ATG4A: variants seen among roughly 807,000 people sequenced by gnomAD.
ATG4A encodes the protein cysteine protease ATG4A.
Under a neutral mutation model 38.4 loss-of-function variants are expected in ATG4A, and 22 were observed. That is an observed-to-expected ratio of 0.57 (90% confidence interval 0.41 to 0.82). The LOEUF is 0.82. Among genes scored for constraint, ATG4A ranks in the 40% least tolerant of loss-of-function variants. ATG4A has a pLI of 0.00. For synonymous variants in ATG4A, 86 were observed against 100.7 expected, an observed-to-expected ratio of 0.85 and a Z score of 0.88; for missense variants, 220 against 290.0, an observed-to-expected ratio of 0.76 and a Z score of 1.75.
intron 9 of ATG4A, among the ~76,000 whole-genome samples, chrX:108,148,277 C>T (rs2033486763): frequency 9.4e-6 from 1 of 106,208 alleles, no homozygotes; most frequent in Admixed American, 1.0e-4. Context: ...TTTCTGCTTG[C>T]CACCCTGGCA....
chrX:108,121,670 T>C (rs1305872673), intron 1 of ATG4A, among the ~76,000 whole-genome samples: 1 of 111,592 alleles, frequency 9.0e-6, no homozygotes, highest in African/African-American at 3.3e-5. Context: ...CCAGTTGGAA[T>C]TAATTACTGT....
intron 5 of ATG4A, 28 bp from the exon 6 acceptor site, chrX:108,134,311 A>G (rs751237723): frequency 9.2e-6 from 11 of 1,192,955 alleles, no homozygotes; most frequent in South Asian, 3.7e-5. Flanking sequence ...TTTTGCTAAC[A>G]TGTTATTTTT....
At chrX:108,098,602 C>T (rs2031907717) in intron 1 of ATG4A, among the ~76,000 whole-genome samples, 1 of 111,284 alleles carries the variant, frequency 9.0e-6, no homozygotes, top group Admixed American at 9.6e-5. Context: ...TTCCATCTCT[C>T]CTGTGCTACC....
At chrX:108,121,076 C>G (rs1044435527) in intron 1 of ATG4A, among the ~76,000 whole-genome samples, 2 of 111,571 alleles carry the variant, frequency 1.8e-5, no homozygotes, top group Non-Finnish European at 3.8e-5. Context: ...GAATTTTTGC[C>G]CAATCTTCTG....
intron 1 of ATG4A, among the ~76,000 whole-genome samples, chrX:108,106,125 C>T (rs2032163967): frequency 1.8e-5 from 2 of 111,294 alleles, no homozygotes; most frequent in South Asian, 3.7e-4. Context: ...TTTTCATTTT[C>T]ATTCAGTTCA....
upstream of ATG4A, chrX:108,091,705 G>A: frequency 3.0e-6 from 3 of 1,006,029 alleles, no homozygotes; most frequent in Non-Finnish European, 4.2e-6. Context: ...GCAGGGAGGC[G>A]CCTTTGCTGC....
intron 9 of ATG4A, among the ~76,000 whole-genome samples, chrX:108,148,467 C>CAAAAAA (rs59447671): frequency 1.3e-5 from 1 of 78,857 alleles, no homozygotes; most frequent in African/African-American, 4.8e-5. Flanking sequence ...GACCCTGTCT[C>CAAAAAA]AAAAAAAAAA....
At chrX:108,143,770 G>T (rs1383890430) in intron 9 of ATG4A, 1 of 207,241 alleles carries the variant, frequency 4.8e-6, no homozygotes, top group African/African-American at 3.1e-5. Flanking sequence ...GGATCACTGG[G>T]GCTGATGGTG....
intron 2 of ATG4A, among the ~76,000 whole-genome samples, chrX:108,127,792 A>C (rs949134188): frequency 8.9e-6 from 1 of 112,372 alleles, no homozygotes; most frequent in Non-Finnish European, 1.9e-5. Context: ...AGAATATAAT[A>C]CAGACATGTT....
rs758800620 is a variant in ATG4A at position 108,126,165 on chromosome X, G to A, written c.99G>A (p.Gly33=). The A allele has an allele frequency of 8.1e-5, 98 of 1,203,761 alleles. No homozygotes were observed. The East Asian group carries it at 2.9e-3, about 35-fold the overall frequency. Residue 33 remains glycine, a synonymous_variant, in exon 2 of 13, where the codon GGG becomes GGA. Coordinates refer to ENST00000372232, the MANE Select transcript of ATG4A (RefSeq NM_052936.5). ...CAGATGAGCTGGTATGGATCTTAGG[G>A]AAGCAGCATCTCCTTAAAACAGGTA... ...PDTDELVWIL[G]KQHLLKTEKS...
At chrX:108,112,276 C>T (rs2032375588) in intron 1 of ATG4A, among the ~76,000 whole-genome samples, 1 of 112,123 alleles carries the variant, frequency 8.9e-6, no homozygotes, top group Non-Finnish European at 1.9e-5. Flanking sequence ...CCCACAAGGA[C>T]ATTTTTAATA....
At chrX:108,126,055 T>C (rs1367966947) in intron 1 of ATG4A, 22 bp from the exon 2 acceptor site, 1 of 1,079,881 alleles carries the variant, frequency 9.3e-7, no homozygotes, top group Non-Finnish European at 1.3e-6. Context: ...AAATTTTACT[T>C]GTTTCTTTCC....
At chrX:108,120,467 C>T (rs2147988572) in intron 1 of ATG4A, among the ~76,000 whole-genome samples, 1 of 112,018 alleles carries the variant, frequency 8.9e-6, no homozygotes, top group Admixed American at 9.5e-5. Flanking sequence ...ATGCATTTCA[C>T]TCAGCAGACA....
intron 1 of ATG4A, among the ~76,000 whole-genome samples, chrX:108,122,658 C>T (rs1442652869): frequency 9.0e-6 from 1 of 111,566 alleles, no homozygotes; most frequent in African/African-American, 3.3e-5. Context: ...CAGAAGACCC[C>T]CCACTTGTAA....
rs997535346 is a variant in ATG4A at position 108,091,862 on chromosome X, C to T, written c.10+26C>T. ...GTACGGGGAGCGGCTTTGAGTGGAA[C>T]CGTGTGAAAGAGCCGGGGTGGGTAG... On this transcript the variant is annotated intron_variant, in intron 1 of 12. Transcript: ENST00000372232. 2.5e-6 allele frequency: 3 copies of T among 1,210,984 alleles called. No individual in the cohort carries two copies. In the South Asian group the frequency reaches 5.3e-5, roughly 21 times the overall value.
At chrX:108,145,166 A>G in intron 9 of ATG4A, among the ~76,000 whole-genome samples, 1 of 112,315 alleles carries the variant, frequency 8.9e-6, no homozygotes, top group Non-Finnish European at 1.9e-5. Context: ...TGGCATGCAA[A>G]TGTCTTACCA....
At chrX:108,136,322 G>A (rs1475672868) in intron 6 of ATG4A, among the ~76,000 whole-genome samples, 1 of 111,339 alleles carries the variant, frequency 9.0e-6, no homozygotes, top group Non-Finnish European at 1.9e-5. Context: ...ACGTAGCCGG[G>A]TTAAACATGG....
chrX:108,100,754 A>G (rs778829768), intron 1 of ATG4A, among the ~76,000 whole-genome samples: 3 of 112,161 alleles, frequency 2.7e-5, no homozygotes, highest in Non-Finnish European at 5.7e-5. Flanking sequence ...ATCCTTGGAT[A>G]AAACACATTT....
At position 108,137,129 on chromosome X, in the gene ATG4A, T is replaced by A; in HGVS notation, c.506T>A (p.Val169Asp). The stretch of plus-strand genomic sequence containing the variant: ...TTTGACGAATGGAATTCCTTGGCTG[T>A]TTATGTTTCAATGGATAACACAGTG... ...ALFDEWNSLA[V>D]YVSMDNTVVI... Residue 169 changes from valine (V) to aspartate (D), a missense_variant, in exon 7 of 13, where the codon GTT becomes GAT. Transcript: ENST00000372232. 1 of 1,208,409 alleles carries A rather than the reference T, an allele frequency of 8.3e-7. No individual in the cohort carries two copies.
Sources: allele counts gnomAD v4.1 joint callset (sites outside exome capture counted in the v4.1 genomes callset), GRCh38; gene constraint gnomAD v4.1.1; transcripts MANE v1.5; gene names NCBI Gene and HGNC (gene_info 2026-07-23, HGNC 2026-07-21).